SKI: variants seen among roughly 807,000 people sequenced by gnomAD.
The protein encoded by SKI is SKI proto-oncogene, also known as ski oncogene.
In SKI, 23 loss-of-function variants were observed where a neutral mutation model predicts 59.3. The observed-to-expected ratio is 0.39, with a 90% CI of 0.28 to 0.55. The LOEUF (loss-of-function observed/expected upper bound fraction) is 0.55. Ranked by LOEUF, SKI falls within the 20% of genes least tolerant of loss-of-function variation. The probability of loss-of-function intolerance (pLI) is 0.67; values close to 1 mark genes in which losing one functional copy is unlikely to be tolerated. For synonymous variants in SKI, 673 were observed against 488.6 expected, an observed-to-expected ratio of 1.38 and a Z score of -4.98; for missense variants, 1,017 against 1,038.9, an observed-to-expected ratio of 0.98 and a Z score of 0.29.
chr1:2,272,203 G>A (rs180922774), intron 1 of SKI, among the ~76,000 whole-genome samples: 24 of 152,374 alleles, frequency 1.6e-4, no homozygotes, highest in Admixed American at 1.4e-3. Context: ...GAGCTTCCAC[G>A]AGGGCCGGCC....
In SKI at chr1:2,275,739, C is replaced by T. The variant is rs1183661281; in HGVS notation, c.970-27239C>T. On this transcript the variant is annotated intron_variant, in intron 1 of 6. Coordinates refer to ENST00000378536, the MANE Select transcript of SKI (RefSeq NM_003036.4). ...GTGTTAGCCAGGATGCTCTCGATCT[C>T]CTGACCTTGTGATCCACCCACCTCG... 2.0e-5 allele frequency among the ~76,000 whole-genome samples: 3 copies of T among 152,216 alleles called. No homozygotes were observed. The East Asian group carries it at 5.8e-4, about 29-fold the overall frequency.
intron 1 of SKI, among the ~76,000 whole-genome samples, chr1:2,274,025 C>T (rs775738458): frequency 2.6e-5 from 4 of 151,822 alleles, no homozygotes; most frequent in Non-Finnish European, 5.9e-5. Flanking sequence ...CATGCGTGTG[C>T]GCAGGTCCTA....
chr1:2,306,070 G>A lies in SKI; in HGVS notation c.1818G>A (p.Thr606=), dbSNP rs377110260. ...AGAAGGAGAAGCTGCGGGAGGCCACGGAGGCCAAGCGTAACCTGCGGAAGG... is the reference window on the plus strand; with the variant it reads ...AGAAGGAGAAGCTGCGGGAGGCCACAGAGGCCAAGCGTAACCTGCGGAAGG... The part of the protein sequence containing the change: ...VAKKEKLREA[T]EAKRNLRKEI... Residue 606 remains threonine, a synonymous_variant, in exon 6 of 7, where the codon ACG becomes ACA. Transcript: ENST00000378536. 1 of 1,601,910 alleles carries A rather than the reference G, an allele frequency of 6.2e-7. No individual in the cohort carries two copies.
chr1:2,244,453 A>G (rs566526809), intron 1 of SKI, among the ~76,000 whole-genome samples: 82 of 152,114 alleles, frequency 5.4e-4, no homozygotes, highest in African/African-American at 1.9e-3. Context: ...GGTGGTGTGC[A>G]CCTGTAGTCC....
At position 2,306,169 on chromosome 1, in the gene SKI, G is replaced by C; in HGVS notation, c.1917G>C (p.Arg639=). 2.5e-6 allele frequency: 4 copies of C among 1,592,600 alleles called. No individual in the cohort carries two copies. Among genetic ancestry groups the C allele is most frequent in the South Asian group, 1.1e-5 (1 of 88,038 alleles). The change falls in exon 6 of 7, where the codon CGG becomes CGC. Residue 639 remains arginine (R), a synonymous_variant. Coordinates refer to ENST00000378536, the MANE Select transcript of SKI (RefSeq NM_003036.4). ...ACGAGTCACGGCTGCGCCTGAAGCG[G>C]GAGCTGGAGCAGGCGCGGCAGGCCC... ...EANESRLRLK[R]ELEQARQARV... is the part of the protein sequence containing the mutation.
At chr1:2,293,074 G>T (rs1235212836) in intron 1 of SKI, among the ~76,000 whole-genome samples, 1 of 152,188 alleles carries the variant, frequency 6.6e-6, no homozygotes, top group East Asian at 1.9e-4. Context: ...GCAGGAACCC[G>T]GCAAATTTGT....
intron 1 of SKI, among the ~76,000 whole-genome samples, chr1:2,283,119 G>A (rs894505342): frequency 6.6e-5 from 10 of 152,200 alleles, no homozygotes; most frequent in Admixed American, 4.6e-4. Context: ...GCCCCCACCC[G>A]GCCCAACCGC....
intron 1 of SKI, among the ~76,000 whole-genome samples, chr1:2,289,954 G>A (rs902548904): frequency 1.3e-5 from 2 of 152,124 alleles, no homozygotes; most frequent in Admixed American, 1.3e-4. Flanking sequence ...TCCAGGCCAC[G>A]TTGCTCCAGG....
chr1:2,247,078 A>T (rs1232792691), intron 1 of SKI, among the ~76,000 whole-genome samples: 2 of 152,176 alleles, frequency 1.3e-5, no homozygotes, highest in Non-Finnish European at 2.9e-5. Flanking sequence ...AAAGTTAGCC[A>T]GGTGTGGTGG....
intron 1 of SKI, among the ~76,000 whole-genome samples, chr1:2,244,479 C>G (rs1638948334): frequency 6.6e-6 from 1 of 152,112 alleles, no homozygotes; most frequent in Non-Finnish European, 1.5e-5. Flanking sequence ...ACTTGGGAGG[C>G]TGAGGCTGGA....
chr1:2,248,689 G>A lies in SKI; in HGVS notation c.969+18954G>A, dbSNP rs1639051071. Among the ~76,000 whole-genome samples, 3 of 152,262 alleles carry A rather than the reference G, an allele frequency of 2.0e-5. No individual in the cohort carries two copies. The South Asian group carries it at 6.2e-4, about 31-fold the overall frequency. On this transcript the variant is annotated intron_variant, in intron 1 of 6. Coordinates refer to ENST00000378536, the MANE Select transcript of SKI (RefSeq NM_003036.4). ...TTCCTTTGCCCACAGTGAAGTGAAA[G>A]TCACTGCAGCTGGGTTTGCTGTTTA... is the stretch of plus-strand genomic sequence containing the variant.
chr1:2,300,909 G>A (rs1262074234), intron 1 of SKI, among the ~76,000 whole-genome samples: 10 of 152,132 alleles, frequency 6.6e-5, no homozygotes, highest in East Asian at 5.8e-4. Flanking sequence ...CGGTCCTCCC[G>A]CCACCTCCAC....
chr1:2,266,869 T>C (rs1639511080), intron 1 of SKI, among the ~76,000 whole-genome samples: 1 of 152,064 alleles, frequency 6.6e-6, no homozygotes, highest in Non-Finnish European at 1.5e-5. Context: ...CAGGGCCAAG[T>C]TTCAGATAGA....
In SKI at chr1:2,270,440, G is replaced by T. The variant is rs936498262; in HGVS notation, c.970-32538G>T. ...CACAGGCCAGGGGGTGTGGCCACAG[G>T]GCCTGGGCTTTGTCCCGTTTACGAG... On this transcript the variant is annotated intron_variant, in intron 1 of 6. Coordinates refer to ENST00000378536, the MANE Select transcript of SKI (RefSeq NM_003036.4). This position sits in a 1 kb window ranked among gnomAD's most constrained non-coding sequence, Gnocchi z 4.1. 6.6e-6 allele frequency among the ~76,000 whole-genome samples: 1 copy of T among 152,212 alleles called. No homozygotes were observed. Among genetic ancestry groups the T allele is most frequent in the African/African-American group, 2.4e-5 (1 of 41,456 alleles).
At chr1:2,272,057 C>T (rs1016250632) in intron 1 of SKI, among the ~76,000 whole-genome samples, 3 of 152,190 alleles carry the variant, frequency 2.0e-5, no homozygotes, top group African/African-American at 4.8e-5. Context: ...GGCCCCTGCC[C>T]GCCCCAGGCC....
Position 2,229,156 on chromosome 1 carries a change from G to C in SKI, c.390G>C (p.Val130=), listed in dbSNP as rs1638573203. Residue 130 remains valine (V), a synonymous_variant, in exon 1 of 7, where the codon GTG becomes GTC. Transcript: ENST00000378536. The surrounding 1 kb of genome is among the most constrained non-coding windows in gnomAD (Gnocchi z 6.3). ...GTCTGCCGCAGATTCTCAACTCGGT[G>C]CTGCGCGACTTCTCGCTGCAGCAGA... The part of the protein sequence containing the change: ...RLCLPQILNS[V]LRDFSLQQIN... 1 of 1,611,936 alleles carries C rather than the reference G, an allele frequency of 6.2e-7. No homozygotes were observed.
At position 2,306,850 on chromosome 1, in the gene SKI, C is replaced by G; in HGVS notation, c.*85C>G. 1 of 948,410 alleles carries G rather than the reference C, an allele frequency of 1.1e-6. No individual in the cohort carries two copies. The highest frequency in any genetic ancestry group is 1.4e-6 in the Non-Finnish European group (1 of 716,796). The allele number at this position is 948,410 out of a possible 1,614,324, so 58.7% of individuals were successfully genotyped here. A position where few individuals can be genotyped will look rare whatever the true frequency, so the allele number is the denominator to read the frequency against. On this transcript the variant is annotated 3_prime_UTR_variant, in exon 7 of 7. Transcript: ENST00000378536. The stretch of plus-strand genomic sequence containing the variant: ...CGGTGCAGCTCCGCCCGGCTCCGCC[C>G]CTGCAGCCCACACAGCACAACGTCT...
At chr1:2,281,166 G>A (rs1235664715) in intron 1 of SKI, among the ~76,000 whole-genome samples, 1 of 33,962 alleles carries the variant, frequency 2.9e-5, no homozygotes, top group Non-Finnish European at 6.0e-5. Flanking sequence ...TTCAGAGAGA[G>A]GACGCCCGAG....
At chr1:2,301,706 A>T (rs542951681) in intron 1 of SKI, among the ~76,000 whole-genome samples, 8 of 151,368 alleles carry the variant, frequency 5.3e-5, no homozygotes, top group Admixed American at 2.0e-4. Context: ...GGAGGTGGGA[A>T]GAGCCCCCGG....
Sources: allele counts gnomAD v4.1 joint callset (sites outside exome capture counted in the v4.1 genomes callset), GRCh38; gene constraint gnomAD v4.1.1; non-coding constraint Gnocchi (gnomAD v3.1); transcripts MANE v1.5; gene names NCBI Gene and HGNC (gene_info 2026-07-23, HGNC 2026-07-21).